PLAT: variants seen among roughly 807,000 people sequenced by gnomAD.
The protein encoded by PLAT is tissue-type plasminogen activator.
Under a neutral mutation model 74.9 loss-of-function variants are expected in PLAT, and 48 were observed. That is an observed-to-expected ratio of 0.64 (90% CI 0.51 to 0.82). The LOEUF (loss-of-function observed/expected upper bound fraction) is 0.82, where lower values mean the gene tolerates loss of function less well. Among genes scored for constraint, PLAT ranks in the 40% least tolerant of loss-of-function variants. PLAT has a pLI of 0.00. For synonymous variants in PLAT, 307 were observed against 294.4 expected (o/e 1.04, Z -0.44); for missense variants, 673 against 736.2 (o/e 0.91, Z 0.99).
In PLAT at chr8:42,182,466, A is replaced by C. The variant is rs1000959083; in HGVS notation, c.803+253T>G. ...TACAAATCATTGCAATAAAGATGTC[A>C]GGAGAACAGCTGAGGACTAAATGGT... On this transcript the variant is annotated intron_variant, in intron 8 of 13. Coordinates refer to ENST00000220809, the MANE Select transcript of PLAT (RefSeq NM_000930.5). The C allele has an allele frequency of 3.9e-5, 14 of 359,184 alleles. No individual in the cohort carries two copies. The Admixed American group carries it at 4.9e-4, about 13-fold the overall frequency. 22.2% of individuals were successfully genotyped at this position (359,184 alleles called of 1,614,324 possible).
At chr8:42,183,299 G>A (rs1236541804) in intron 7 of PLAT, among the ~76,000 whole-genome samples, 3 of 152,168 alleles carry the variant, frequency 2.0e-5, no homozygotes, top group Non-Finnish European at 4.4e-5. Flanking sequence ...CAACACGCCC[G>A]GCCTGAGCCT....
At chr8:42,180,735 G>T (rs759349897) in intron 9 of PLAT, 50 bp from the exon 10 acceptor site, 50 of 1,378,022 alleles carry the variant, frequency 3.6e-5, no homozygotes, top group Middle Eastern at 3.9e-4. Context: ...CCTCCTGCAC[G>T]TGTGTAGGTA....
At chr8:42,205,992 C>T (rs1205353107) in intron 1 of PLAT, among the ~76,000 whole-genome samples, 2 of 152,338 alleles carry the variant, frequency 1.3e-5, no homozygotes, top group Admixed American at 1.3e-4. Context: ...ATCAAAGCCT[C>T]AGTGAACTCA....
rs36208802 is a variant in PLAT, at chr8:42,194,241, AGTGTGT to A, written c.-26-1036_-26-1031del. On this transcript the variant is annotated intron_variant, in intron 1 of 13. Transcript: ENST00000220809. ...GAGAGAGAGAGAGAGAGAGAGAGAG[AGTGTGT>A]GTGTGTGTGTGTGTGTGTGTGTGTG... Among the ~76,000 whole-genome samples, 341 of 52,536 alleles carry A rather than the reference AGTGTGT, an allele frequency of 6.5e-3. 1 individual carries two copies. Among genetic ancestry groups the A allele is most frequent in the African/African-American group, 0.014 (202 of 14,862 alleles). The allele number at this position is 52,536 out of a possible 152,430, so 34.5% of individuals were successfully genotyped here.
At position 42,191,509 on chromosome 8, in the gene PLAT, C is replaced by T. The variant is rs1441691238; in HGVS notation, c.73-95G>A. The T allele has an allele frequency of 2.8e-6, 3 of 1,059,196 alleles. No individual in the cohort carries two copies. In the Admixed American group the frequency reaches 5.3e-5, roughly 19 times the overall value. The allele number at this position is 1,059,196 out of a possible 1,614,324, so 65.6% of individuals were successfully genotyped here. A position where few individuals can be genotyped will look rare whatever the true frequency, so the allele number is the denominator to read the frequency against. ...CCAGAAGCCCATGTGAACCTGCCGG[C>T]CAGATACCTCTGCTCAGAGACCCCC... On this transcript the variant is annotated intron_variant, in intron 2 of 13. Transcript: ENST00000220809.
chr8:42,203,992 T>TATATATATATATATATATATAC (rs1554499838), intron 1 of PLAT, among the ~76,000 whole-genome samples: 4 of 109,862 alleles, frequency 3.6e-5, no homozygotes, highest in African/African-American at 2.1e-4. Context: ...TATATATATA[T>TATATATATATATATATATATAC]ACACACACAC....
At chr8:42,193,287 A>G in intron 1 of PLAT, 76 bp from the exon 2 acceptor site, 2 of 930,166 alleles carry the variant, frequency 2.2e-6, no homozygotes, top group South Asian at 1.4e-5. Flanking sequence ...ATAAGCCGCA[A>G]TGTTGTCCTG....
chr8:42,177,644 C>T (rs1434485509), intron 13 of PLAT, among the ~76,000 whole-genome samples: 1 of 152,138 alleles, frequency 6.6e-6, no homozygotes, highest in Non-Finnish European at 1.5e-5. Context: ...TAGTAAAACT[C>T]TTGGTAATTG....
chr8:42,180,737 G>A (rs539073855), intron 9 of PLAT, 52 bp from the exon 10 acceptor site: 4 of 1,385,024 alleles, frequency 2.9e-6, no homozygotes, highest in Non-Finnish European at 3.9e-6. Flanking sequence ...TCCTGCACGT[G>A]TGTAGGTAGA....
At chr8:42,199,542 T>G (rs1806048088) in intron 1 of PLAT, among the ~76,000 whole-genome samples, 1 of 152,140 alleles carries the variant, frequency 6.6e-6, no homozygotes, top group South Asian at 2.1e-4. Context: ...GGCCTGTGTC[T>G]AAGCTATATG....
At chr8:42,194,053 T>TTTTTTC (rs1563261156) in intron 1 of PLAT, among the ~76,000 whole-genome samples, 1 of 124,204 alleles carries the variant, frequency 8.1e-6, no homozygotes, top group East Asian at 2.3e-4. Context: ...CTTCTTTCTT[T>TTTTTTC]TTTTTTTTTT....
chr8:42,201,651 G>GATA (rs1806137531), intron 1 of PLAT, among the ~76,000 whole-genome samples: 1 of 152,146 alleles, frequency 6.6e-6, no homozygotes, highest in Non-Finnish European at 1.5e-5. Flanking sequence ...CTGAATACAG[G>GATA]GTGATGTCTT....
At chr8:42,205,465 T>G (rs916124002) in intron 1 of PLAT, among the ~76,000 whole-genome samples, 6 of 152,072 alleles carry the variant, frequency 3.9e-5, no homozygotes, top group African/African-American at 1.2e-4. Context: ...AGGTGGAGGT[T>G]GCAGTAGCCG....
chr8:42,204,184 T>A (rs559308726), intron 1 of PLAT, among the ~76,000 whole-genome samples: 21 of 152,126 alleles, frequency 1.4e-4, no homozygotes, highest in African/African-American at 4.1e-4. Context: ...GTCTAAATCA[T>A]CCTCACTCTT....
At chr8:42,203,992 T>TATATATATATATATATATATACAC (rs1554499838) in intron 1 of PLAT, among the ~76,000 whole-genome samples, 4 of 109,868 alleles carry the variant, frequency 3.6e-5, no homozygotes, top group Middle Eastern at 4.0e-3. Context: ...TATATATATA[T>TATATATATATATATATATATACAC]ACACACACAC....
At position 42,182,040 on chromosome 8, in the gene PLAT, T is replaced by G. The variant is rs1229593312; in HGVS notation, c.804-18A>C. ...CAGGATTCCTAAATGATAAGAGAGT[T>G]TAAGGTTTCCTTTTTATCTTCTTAT... On this transcript the variant is annotated intron_variant, in intron 8 of 13. Transcript: ENST00000220809. 1.3e-6 allele frequency: 2 copies of G among 1,499,264 alleles called. No individual in the cohort carries two copies. The highest frequency in any genetic ancestry group is 1.4e-5 in the African/African-American group (1 of 72,736). 92.9% of individuals were successfully genotyped at this position (1,499,264 alleles called of 1,614,324 possible).
chr8:42,202,300 G>A (rs1806160327), intron 1 of PLAT, among the ~76,000 whole-genome samples: 1 of 151,906 alleles, frequency 6.6e-6, no homozygotes, highest in African/African-American at 2.4e-5. Context: ...CTCCCAAAGT[G>A]CTGGGATTAC....
At chr8:42,189,326 T>A (rs1805601613) in intron 3 of PLAT, among the ~76,000 whole-genome samples, 1 of 151,940 alleles carries the variant, frequency 6.6e-6, no homozygotes, top group African/African-American at 2.4e-5. Flanking sequence ...GAGACCAGCC[T>A]GGCCAACATG....
chr8:42,182,598 C>T, intron 8 of PLAT, 121 bp downstream of exon 8: 2 of 709,728 alleles, frequency 2.8e-6, no homozygotes, highest in South Asian at 1.8e-5. Flanking sequence ...TAGATAATAT[C>T]CATGGGTGCT....
Sources: allele counts gnomAD v4.1 joint callset (sites outside exome capture counted in the v4.1 genomes callset), GRCh38; gene constraint gnomAD v4.1.1; transcripts MANE v1.5; gene names NCBI Gene and HGNC (gene_info 2026-07-23, HGNC 2026-07-21).